Variants in PTCD1 observed in about 807,000 individuals in gnomAD.
The protein encoded by PTCD1 is pentatricopeptide repeat domain 1.
Under a neutral mutation model 53.4 loss-of-function variants are expected in PTCD1, and 50 were observed. The observed-to-expected ratio is 0.94, with a 90% confidence interval of 0.75 to 1.19. PTCD1 has a LOEUF of 1.19. Among genes scored for constraint, PTCD1 ranks in the 50% most tolerant of loss-of-function variants. The pLI is 0.00. For synonymous variants in PTCD1, 413 were observed against 394.8 expected, an observed-to-expected ratio of 1.05 and a Z score of -0.55; for missense variants, 918 against 904.8, an observed-to-expected ratio of 1.01 and a Z score of -0.19.
chr7:99,422,325 G>A (rs909458011), intron 7 of PTCD1, among the ~76,000 whole-genome samples: 7 of 152,090 alleles, frequency 4.6e-5, no homozygotes, highest in Admixed American at 2.0e-4. Flanking sequence ...ACTTGTTTCC[G>A]CCCCATCCGG....
rs780586921 is a variant in PTCD1, at chr7:99,434,927, C to A, written c.316G>T (p.Ala106Ser). ...AACCGCAGGTTATGGAACTGGGCTG[C>A]GGATTTGCGGAATAGTCTCCGGGAG... ...YSSRRLFRKSAAQFHNLRFGE... is the reference protein window; with the variant it reads ...YSSRRLFRKSSAQFHNLRFGE... Residue 106 changes from alanine to serine, a missense_variant, in exon 2 of 8, where the codon GCA becomes TCA. Ala to Ser is a moderately conservative substitution (Grantham distance 99, BLOSUM62 1). Coordinates refer to ENST00000292478, the MANE Select transcript of PTCD1 (RefSeq NM_015545.4). 5.2e-5 allele frequency: 84 copies of A among 1,614,110 alleles called. No homozygotes were observed. Among genetic ancestry groups the A allele is most frequent in the Non-Finnish European group, 6.4e-5 (75 of 1,180,056 alleles).
chr7:99,424,407 G>C (rs749445497), intron 6 of PTCD1, among the ~76,000 whole-genome samples: 2 of 152,218 alleles, frequency 1.3e-5, no homozygotes, highest in African/African-American at 4.8e-5. Context: ...TGAAATCCAC[G>C]CAGCACTTCC....
chr7:99,426,568 G>A (rs1405381552), intron 5 of PTCD1, among the ~76,000 whole-genome samples: 1 of 152,206 alleles, frequency 6.6e-6, no homozygotes, highest in Non-Finnish European at 1.5e-5. Flanking sequence ...CGCCTGCCTT[G>A]GCCTCCCAAA....
In PTCD1 at chr7:99,433,382, G is replaced by T; in HGVS notation, c.490C>A (p.Leu164Met). The T allele has an allele frequency of 2.5e-6, 4 of 1,614,178 alleles. No homozygotes were observed. The highest frequency in any genetic ancestry group is 3.4e-6 in the Non-Finnish European group (4 of 1,180,046). The stretch of plus-strand genomic sequence containing the variant: ...ATGGGCTGCAATCGCTCCTCCTTCA[G>T]CATCTGCCTCTCAAACAGGTCCAGG... ...EALDLFERQM[L>M]KEERLQPMES... is the part of the protein sequence containing the mutation. Residue 164 changes from leucine to methionine, a missense_variant, in exon 3 of 8, where the codon CTG becomes ATG. Transcript: ENST00000292478.
chr7:99,433,101 A>C (rs2150959463), intron 3 of PTCD1, among the ~76,000 whole-genome samples, 177 bp downstream of exon 3: 1 of 152,170 alleles, frequency 6.6e-6, no homozygotes, highest in South Asian at 2.1e-4. Flanking sequence ...GCAGGTGCTA[A>C]AGGGCTTTCC....
rs776219698 is a variant in PTCD1, at chr7:99,425,266, G to A, written c.1266C>T (p.His422=). 8.7e-6 allele frequency: 14 copies of A among 1,613,262 alleles called. No homozygotes were observed. Among genetic ancestry groups the A allele is most frequent in the Non-Finnish European group, 1.2e-5 (14 of 1,179,380 alleles). Residue 422 remains histidine, a synonymous_variant, in exon 6 of 8, where the codon CAC becomes CAT. Transcript: ENST00000292478. Reference sequence around the variant, plus strand: ...GGGCCACTGCGGTGAGGGCTGCTGTGTGGCTGGGCTCTGCCTTAGTATCCA... The same window carrying A: ...GGGCCACTGCGGTGAGGGCTGCTGTATGGCTGGGCTCTGCCTTAGTATCCA... ...PEVDTKAEPS[H]TAALTAVALK... is the part of the protein sequence containing the mutation.
intron 5 of PTCD1, 84 bp downstream of exon 5, chr7:99,429,019 C>G: frequency 6.8e-7 from 1 of 1,470,200 alleles, no homozygotes; most frequent in South Asian, 1.1e-5. Flanking sequence ...CAGCACAGGG[C>G]CATCGTGGGT....
rs775855277 is a variant in PTCD1 at position 99,419,483 on chromosome 7, C to T, written c.*484G>A. ...CCTGGACTCTGGACTTCGCAGGTTC[C>T]TGCCTGTCACGCCACCCCCTTCCTG... On this transcript the variant is annotated 3_prime_UTR_variant, in exon 8 of 8. Coordinates refer to ENST00000292478, the MANE Select transcript of PTCD1 (RefSeq NM_015545.4). 2 of 1,605,534 alleles carry T rather than the reference C, an allele frequency of 1.2e-6. No individual in the cohort carries two copies. The highest frequency in any genetic ancestry group is 1.1e-5 in the South Asian group (1 of 91,034).
chr7:99,435,323 C>T, intron 1 of PTCD1, 55 bp from the exon 2 acceptor site: 1 of 1,588,532 alleles, frequency 6.3e-7, no homozygotes, highest in East Asian at 2.2e-5. Flanking sequence ...TAACAAAAGG[C>T]AGAAAGAAAG....
chr7:99,431,154 T>G (rs1452108254), intron 3 of PTCD1, among the ~76,000 whole-genome samples: 1 of 151,462 alleles, frequency 6.6e-6, no homozygotes, highest in Non-Finnish European at 1.5e-5. Context: ...TGAGATGGAG[T>G]CTTACTCTGT....
In PTCD1 at chr7:99,425,241, G is replaced by A. The variant is rs141834548; in HGVS notation, c.1291C>T (p.Leu431=). Residue 431 remains leucine, a synonymous_variant, in exon 6 of 8, where the codon CTG becomes TTG. Coordinates refer to ENST00000292478, the MANE Select transcript of PTCD1 (RefSeq NM_015545.4). ...SHTAALTAVA[L]KPPPVELEVN... ...TCCAGCTCCACGGGAGGTGGCTTCA[G>A]GGCCACTGCGGTGAGGGCTGCTGTG... 17 of 1,612,226 alleles carry A rather than the reference G, an allele frequency of 1.1e-5. No individual in the cohort carries two copies. Among genetic ancestry groups the A allele is most frequent in the Non-Finnish European group, 8.5e-7 (1 of 1,178,696 alleles).
At chr7:99,431,290 C>G (rs1406892469) in intron 3 of PTCD1, among the ~76,000 whole-genome samples, 1 of 151,646 alleles carries the variant, frequency 6.6e-6, no homozygotes, top group Non-Finnish European at 1.5e-5. Flanking sequence ...CCACCACGCC[C>G]AGCTAAATTT....
At chr7:99,437,791 A>G (rs1048786685) in intron 1 of PTCD1, among the ~76,000 whole-genome samples, 1 of 152,060 alleles carries the variant, frequency 6.6e-6, no homozygotes, top group Non-Finnish European at 1.5e-5. Context: ...CAGCCTCCCA[A>G]GTAGCTGGGA....
At chr7:99,437,549 C>G (rs775590671) in intron 1 of PTCD1, among the ~76,000 whole-genome samples, 2 of 152,110 alleles carry the variant, frequency 1.3e-5, no homozygotes, top group East Asian at 1.9e-4. Context: ...GTGATCCGCC[C>G]GCCTCGGCCT....
Position 99,438,460 on chromosome 7 carries a change from A to G in PTCD1, c.-27+232T>C, listed in dbSNP as rs931523772. 5.5e-5 allele frequency: 57 copies of G among 1,034,760 alleles called. No homozygotes were observed. In the African/African-American group the frequency reaches 9.0e-4, roughly 16 times the overall value. 64.1% of individuals were successfully genotyped at this position (1,034,760 alleles called of 1,614,324 possible). A position where few individuals can be genotyped will look rare whatever the true frequency, so the allele number is the denominator to read the frequency against. The stretch of plus-strand genomic sequence containing the variant: ...AGCCTGGGCCACAGAGCGAGAAAAA[A>G]CCCTGAATTAGAGACACGCTGCGGC... On this transcript the variant is annotated intron_variant, in intron 1 of 7. Coordinates refer to ENST00000292478, the MANE Select transcript of PTCD1 (RefSeq NM_015545.4).
Position 99,417,817 on chromosome 7 carries a change from T to C in PTCD1, c.*2150A>G. On this transcript the variant is annotated 3_prime_UTR_variant, in exon 8 of 8. Coordinates refer to ENST00000292478, the MANE Select transcript of PTCD1 (RefSeq NM_015545.4). The stretch of plus-strand genomic sequence containing the variant: ...TCTGGGGTCAATCTCAACTCCACTT[T>C]TGGGCAAATTACTGAACCCCTTTCC... The C allele has an allele frequency of 2.0e-6, 3 of 1,497,104 alleles. No homozygotes were observed. The highest frequency in any genetic ancestry group is 1.3e-5 in the South Asian group (1 of 79,438). The allele number at this position is 1,497,104 out of a possible 1,614,324, so 92.7% of individuals were successfully genotyped here.
rs1796166098 is a variant in PTCD1 at position 99,429,171 on chromosome 7, C to T, written c.847G>A (p.Glu283Lys). 1 of 1,614,006 alleles carries T rather than the reference C, an allele frequency of 6.2e-7. No homozygotes were observed. Among genetic ancestry groups the T allele is most frequent in the Admixed American group, 1.7e-5 (1 of 59,988 alleles). ...IIHKGHVVTEETFSFLLMGCI... is the reference protein window; with the variant it reads ...IIHKGHVVTEKTFSFLLMGCI... ...CCCATGAGCAGGAAACTGAAGGTCT[C>T]CTCTGTGACCACGTGCCCTTTGTGG... Residue 283 changes from glutamate to lysine, a missense_variant, in exon 5 of 8, where the codon GAG (glutamate) becomes AAG (lysine). By Grantham distance (56) the Glu-to-Lys change is moderately conservative. Coordinates refer to ENST00000292478, the MANE Select transcript of PTCD1 (RefSeq NM_015545.4).
At chr7:99,426,828 G>A (rs1466535606) in intron 5 of PTCD1, among the ~76,000 whole-genome samples, 6 of 148,556 alleles carry the variant, frequency 4.0e-5, no homozygotes, top group South Asian at 2.2e-4. Flanking sequence ...CTGCCCCGCC[G>A]CCCCGTCTGG....
Position 99,425,595 on chromosome 7 carries a change from G to A in PTCD1, c.937C>T (p.Leu313=). 1.2e-6 allele frequency: 2 copies of A among 1,608,936 alleles called. No homozygotes were observed. The highest frequency in any genetic ancestry group is 2.2e-5 in the South Asian group (2 of 90,832). ...CTGTCCCGGCTCGGCTGTAGCCCTA[G>A]ACTCAGCATCAGCCGCCACACCTGC... ...ALQVWRLMLS[L]GLQPSRDSYN... The change falls in exon 6 of 8, where the codon CTA becomes TTA. Residue 313 remains leucine, a synonymous_variant. Transcript: ENST00000292478.
Sources: gnomAD v4.1 joint callset for allele counts (sites outside exome capture counted in the v4.1 genomes callset) on GRCh38, gnomAD v4.1.1 for gene constraint, MANE v1.5 for transcripts, NCBI Gene and HGNC (gene_info 2026-07-23, HGNC 2026-07-21) for gene names.